NCKAP5L: variants seen among roughly 807,000 people sequenced by gnomAD.
NCKAP5L encodes nck-associated protein 5-like.
In NCKAP5L, 54 loss-of-function variants were observed where a neutral mutation model predicts 103.2. The ratio of observed to expected loss-of-function variants is 0.52; its 90% CI spans 0.42 to 0.66. The LOEUF (loss-of-function observed/expected upper bound fraction) is 0.66, where lower values mean the gene tolerates loss of function less well. NCKAP5L is among the 30% of genes least tolerant of loss of function. NCKAP5L has a pLI of 0.00. For missense variants in NCKAP5L, 1,733 were observed against 1,750.6 expected, an observed-to-expected ratio of 0.99 and a Z score of 0.18; for synonymous variants, 762 against 748.6, an observed-to-expected ratio of 1.02 and a Z score of -0.29.
At chr12:49,820,122 C>T (rs1946344373) in intron 1 of NCKAP5L, among the ~76,000 whole-genome samples, 1 of 152,094 alleles carries the variant, frequency 6.6e-6, no homozygotes, top group Non-Finnish European at 1.5e-5. Context: ...CATGCTGGGC[C>T]CCACAGGAGG....
At chr12:49,802,045 G>A (rs886145402) in intron 5 of NCKAP5L, 78 bp from the exon 6 acceptor site, 3 of 1,554,196 alleles carry the variant, frequency 1.9e-6, no homozygotes, top group Middle Eastern at 3.4e-4. Context: ...CATCAGAGCA[G>A]CGGCATCTGT....
At chr12:49,810,031 C>A (rs1019825109) in intron 1 of NCKAP5L, among the ~76,000 whole-genome samples, 12 of 152,066 alleles carry the variant, frequency 7.9e-5, no homozygotes, top group African/African-American at 2.4e-4. Flanking sequence ...AGGTCCTCGG[C>A]CCTTCCAGGA....
Position 49,794,957 on chromosome 12 carries a change from ATGT to A in NCKAP5L, c.2900_2902del (p.Asn967del). ...TTCCGCCTTGGCCATCAGCTTGGAGATGTTGAGGCTCTCGGCCTCCAGCTTCCG... is the reference window on the plus strand; with the variant it reads ...TTCCGCCTTGGCCATCAGCTTGGAGATGAGGCTCTCGGCCTCCAGCTTCCG... On this transcript the variant is annotated inframe_deletion, in exon 8 of 13. Transcript: ENST00000335999. 1 of 1,584,772 alleles carries A rather than the reference ATGT, an allele frequency of 6.3e-7. No homozygotes were observed. Among genetic ancestry groups the A allele is most frequent in the Non-Finnish European group, 8.6e-7 (1 of 1,166,584 alleles).
chr12:49,794,775 G>A lies in NCKAP5L; in HGVS notation c.3085C>T (p.Leu1029=), dbSNP rs1946003335. 3 of 1,521,824 alleles carry A rather than the reference G, an allele frequency of 2.0e-6. No homozygotes were observed. Among genetic ancestry groups the A allele is most frequent in the African/African-American group, 1.4e-5 (1 of 71,920 alleles). 94.3% of individuals were successfully genotyped at this position (1,521,824 alleles called of 1,614,324 possible). ...YQGADTFMQQ[L]LNRVDGKELP... ...ATCCCAGGACCTCACCTGTTTAGCA[G>A]CTGCTGCATGAAGGTGTCTGCACCT... Residue 1029 remains leucine, a synonymous_variant, in exon 8 of 13, where the codon CTG becomes TTG. Transcript: ENST00000335999.
intron 1 of NCKAP5L, among the ~76,000 whole-genome samples, chr12:49,812,472 C>T (rs1025407727): frequency 4.6e-5 from 7 of 152,042 alleles, no homozygotes; most frequent in African/African-American, 1.2e-4. Flanking sequence ...TAACCTCCGC[C>T]GCTCAGGTTC....
chr12:49,817,644 G>C (rs1946313704), intron 1 of NCKAP5L, among the ~76,000 whole-genome samples: 1 of 152,068 alleles, frequency 6.6e-6, no homozygotes. Context: ...GTTCAGAATA[G>C]AGAGACCAGA....
chr12:49,795,615 C>T lies in NCKAP5L; in HGVS notation c.2245G>A (p.Ala749Thr). 6.3e-7 allele frequency: 1 copy of T among 1,598,602 alleles called. No individual in the cohort carries two copies. The highest frequency in any genetic ancestry group is 8.5e-7 in the Non-Finnish European group (1 of 1,172,654). ...ATGGAGTGAGAGGAGTAGACTCGGG[C>T]CCCGGGATCCCCCATAAGTCCAGGT... ...QEPGLMGDPG[A>T]RVYSSHSMGA... The change falls in exon 8 of 13, where the codon GCC (alanine) becomes ACC (threonine). Residue 749 changes from alanine to threonine, a missense_variant. Ala to Thr is a moderately conservative substitution (Grantham distance 58). Transcript: ENST00000335999.
intron 3 of NCKAP5L, 129 bp downstream of exon 3, chr12:49,803,783 TAGCCTCCTGC>T: frequency 8.7e-7 from 1 of 1,155,902 alleles, no homozygotes; most frequent in Non-Finnish European, 1.2e-6. Context: ...AATGTTCTGC[TAGCCTCCTGC>T]CTGGCAAAGC....
chr12:49,792,162 A>G lies in NCKAP5L; in HGVS notation c.3793-111T>C. On this transcript the variant is annotated intron_variant, in intron 12 of 12. Coordinates refer to ENST00000335999, the MANE Select transcript of NCKAP5L (RefSeq NM_001037806.4). This position sits in a 1 kb window ranked among gnomAD's most constrained non-coding sequence, Gnocchi z 4.5. ...TGCACCTGATGGGGGGCTGCTCCAG[A>G]GGGGGCCCAAGGTGGGGTATACTTC... 1 of 1,086,686 alleles carries G rather than the reference A, an allele frequency of 9.2e-7. No homozygotes were observed. Among genetic ancestry groups the G allele is most frequent in the Non-Finnish European group, 1.3e-6 (1 of 761,844 alleles). 67.3% of individuals were successfully genotyped at this position (1,086,686 alleles called of 1,614,324 possible).
In NCKAP5L at chr12:49,796,202, G is replaced by A; in HGVS notation, c.1658C>T (p.Ser553Phe). 1 of 1,599,528 alleles carries A rather than the reference G, an allele frequency of 6.3e-7. No homozygotes were observed. Reference protein sequence around the residue: ...STTLSPGPVVSPCYENILDLS... With the variant: ...STTLSPGPVVFPCYENILDLS... ...GTCCAGAATGTTCTCATAGCAGGGA[G>A]ACACCACTGGGCCTGGGGACAGCGT... Residue 553 changes from serine (S) to phenylalanine (F), a missense_variant, in exon 8 of 13, where the codon TCT becomes TTT. Transcript: ENST00000335999.
chr12:49,795,749 C>A lies in NCKAP5L; in HGVS notation c.2111G>T (p.Ser704Ile). The A allele has an allele frequency of 6.2e-7, 1 of 1,600,080 alleles. No individual in the cohort carries two copies. The highest frequency in any genetic ancestry group is 8.5e-7 in the Non-Finnish European group (1 of 1,173,606). The part of the protein sequence containing the change: ...KTRGPGKSGE[S>I]AGDMVPSIHR... ...GATGGAGGGCACCATGTCTCCAGCA[C>A]TCTCCCCTGACTTCCCAGGTCCCCG... The change falls in exon 8 of 13, where the codon AGT (serine) becomes ATT (isoleucine). Residue 704 changes from serine (S) to isoleucine (I), a missense_variant. By Grantham distance (142) the Ser-to-Ile change is moderately radical. Coordinates refer to ENST00000335999, the MANE Select transcript of NCKAP5L (RefSeq NM_001037806.4).
chr12:49,815,242 A>G (rs1175310971), intron 1 of NCKAP5L, among the ~76,000 whole-genome samples: 1 of 152,236 alleles, frequency 6.6e-6, no homozygotes, highest in Non-Finnish European at 1.5e-5. Flanking sequence ...TTTTACCAAA[A>G]TCAGTGGATC....
At chr12:49,811,680 G>T (rs4898531) in intron 1 of NCKAP5L, among the ~76,000 whole-genome samples, 1 of 151,906 alleles carries the variant, frequency 6.6e-6, no homozygotes, top group South Asian at 2.1e-4. Context: ...AGGCTGAGGT[G>T]GGAGGATCAC....
rs770430717 is a variant in NCKAP5L, at chr12:49,793,810, T to C, written c.3182A>G (p.Lys1061Arg). 15 of 1,601,592 alleles carry C rather than the reference T, an allele frequency of 9.4e-6. No individual in the cohort carries two copies. The Admixed American group carries it at 2.2e-4, about 24-fold the overall frequency. Residue 1061 changes from lysine (K) to arginine (R), a missense_variant, in exon 9 of 13, where the codon AAG (lysine) becomes AGG (arginine). Coordinates refer to ENST00000335999, the MANE Select transcript of NCKAP5L (RefSeq NM_001037806.4). Reference protein sequence around the residue: ...GDFQPVSSDPKSPWPACGPRN... With the variant: ...GDFQPVSSDPRSPWPACGPRN... ...GGGCCCACAGGCTGGCCAGGGGCTC[T>C]TGGGGTCAGAAGACACCGGCTGGAA... is the stretch of plus-strand genomic sequence containing the variant.
At chr12:49,793,111 T>G in intron 10 of NCKAP5L, 125 bp from the exon 11 acceptor site, 1 of 865,762 alleles carries the variant, frequency 1.2e-6, no homozygotes, top group Non-Finnish European at 1.7e-6. Flanking sequence ...AACAGGCTCA[T>G]TCCACAGCAC....
In NCKAP5L at chr12:49,792,470, C is replaced by T. The variant is rs749790535; in HGVS notation, c.3768G>A (p.Leu1256=). The T allele has an allele frequency of 7.4e-6, 12 of 1,613,468 alleles. No individual in the cohort carries two copies. The highest frequency in any genetic ancestry group is 5.5e-5 in the South Asian group (5 of 91,018). The part of the protein sequence containing the change: ...SDPLMCPPRQ[L]EGLPRTPMAL... ...CCATGGGGGTCCTGGGCAGCCCCTCCAGTTGTCGGGGTGGGCACATGAGAG... is the reference window on the plus strand; with the variant it reads ...CCATGGGGGTCCTGGGCAGCCCCTCTAGTTGTCGGGGTGGGCACATGAGAG... The change falls in exon 12 of 13, where the codon CTG becomes CTA. Residue 1256 remains leucine, a synonymous_variant. Coordinates refer to ENST00000335999, the MANE Select transcript of NCKAP5L (RefSeq NM_001037806.4). The surrounding 1 kb of genome is among the most constrained non-coding windows in gnomAD (Gnocchi z 4.5).
chr12:49,809,138 C>CAAGTCAGTCACGGAGGG (rs1340721073), intron 1 of NCKAP5L, among the ~76,000 whole-genome samples: 1 of 152,114 alleles, frequency 6.6e-6, no homozygotes, highest in East Asian at 1.9e-4. Context: ...TCTCTTCAGC[C>CAAGTCAGTCACGGAGGG]AAGTCAGTCA....
At chr12:49,819,953 A>G (rs1946342578) in intron 1 of NCKAP5L, among the ~76,000 whole-genome samples, 1 of 152,248 alleles carries the variant, frequency 6.6e-6, no homozygotes. Context: ...CTCTGGGTGT[A>G]TATGGAACCA....
chr12:49,814,123 C>A (rs1413377911), intron 1 of NCKAP5L, among the ~76,000 whole-genome samples: 1 of 150,412 alleles, frequency 6.6e-6, no homozygotes, highest in Non-Finnish European at 1.5e-5. Flanking sequence ...TTTCAGAATT[C>A]TTTACATATT....
Sources: allele counts gnomAD v4.1 joint callset (sites outside exome capture counted in the v4.1 genomes callset), GRCh38; gene constraint gnomAD v4.1.1; non-coding constraint Gnocchi (gnomAD v3.1); transcripts MANE v1.5; gene names NCBI Gene and HGNC (gene_info 2026-07-23, HGNC 2026-07-21).